C2orf66: variants seen among roughly 807,000 people sequenced by gnomAD.
C2orf66 encodes chromosome 2 open reading frame 66.
In C2orf66, 6 loss-of-function variants were observed where a neutral mutation model predicts 7.0. That is an observed-to-expected ratio of 0.86 (90% CI 0.47 to 1.69). C2orf66 has a LOEUF of 1.69. Ranked by LOEUF, C2orf66 falls within the 40% of genes most tolerant of loss-of-function variation. C2orf66 has a pLI of 0.01. For missense variants in C2orf66, 107 were observed against 112.0 expected (o/e 0.96, Z 0.20); for synonymous variants, 38 against 43.8 (o/e 0.87, Z 0.52).
the C2orf66 span, among the ~76,000 whole-genome samples, chr2:196,830,868 C>T: frequency 6.6e-6 from 1 of 152,004 alleles, no homozygotes; most frequent in Non-Finnish European, 1.5e-5. Flanking sequence ...ATAGGGGGTC[C>T]CAGGGCTTTT....
At chr2:196,830,441 G>A in the C2orf66 span, among the ~76,000 whole-genome samples, 3 of 152,160 alleles carry the variant, frequency 2.0e-5, no homozygotes, top group Non-Finnish European at 4.4e-5. Flanking sequence ...ATCATTCCCC[G>A]CTTCTCCTGT....
chr2:196,822,482 A>G, the C2orf66 span, among the ~76,000 whole-genome samples: 1 of 152,228 alleles, frequency 6.6e-6, no homozygotes, highest in Admixed American at 6.5e-5. Context: ...TGTTCTTTAA[A>G]GACCAAGATT....
the C2orf66 span, among the ~76,000 whole-genome samples, chr2:196,822,229 T>C: frequency 4.6e-5 from 7 of 152,092 alleles, no homozygotes; most frequent in Admixed American, 1.3e-4. Context: ...AGTGAGCTTT[T>C]ATCCTAAGGG....
the C2orf66 span, among the ~76,000 whole-genome samples, chr2:196,820,269 T>C: frequency 6.6e-6 from 1 of 152,118 alleles, no homozygotes; most frequent in African/African-American, 2.4e-5. Context: ...GTTTTTCCCC[T>C]CCAGGGATAT....
intron 1 of C2orf66, among the ~76,000 whole-genome samples, chr2:196,808,694 T>A (rs564941462): frequency 2.6e-5 from 4 of 152,342 alleles, no homozygotes; most frequent in Admixed American, 2.0e-4. Context: ...GCATTTTTTT[T>A]AAAGAGAATG....
At chr2:196,830,998 G>A in the C2orf66 span, among the ~76,000 whole-genome samples, 2 of 152,268 alleles carry the variant, frequency 1.3e-5, no homozygotes, top group Non-Finnish European at 1.5e-5. Flanking sequence ...ATCCTCATCT[G>A]AGCCAAACTT....
At chr2:196,806,028 C>A (rs1244991065) in intron 2 of C2orf66, among the ~76,000 whole-genome samples, 1 of 152,090 alleles carries the variant, frequency 6.6e-6, no homozygotes, top group Non-Finnish European at 1.5e-5. Context: ...AATGAAAACC[C>A]TTTCACAAAC....
chr2:196,818,574 T>C, the C2orf66 span, among the ~76,000 whole-genome samples: 1 of 152,126 alleles, frequency 6.6e-6, no homozygotes, highest in Non-Finnish European at 1.5e-5. Context: ...ACAGCTAAGA[T>C]GGAGGAGTAG....
chr2:196,830,881 C>T, the C2orf66 span, among the ~76,000 whole-genome samples: 1 of 152,096 alleles, frequency 6.6e-6, no homozygotes, highest in Non-Finnish European at 1.5e-5. Flanking sequence ...GGGCTTTTCA[C>T]TAGGCTTTCT....
chr2:196,830,904 A>G, the C2orf66 span, among the ~76,000 whole-genome samples: 4 of 152,090 alleles, frequency 2.6e-5, no homozygotes, highest in South Asian at 8.3e-4. Flanking sequence ...TTTGAGGGGG[A>G]ACAAGGGGGC....
At chr2:196,807,221 A>G (rs1699828452) in intron 2 of C2orf66, among the ~76,000 whole-genome samples, 2 of 152,238 alleles carry the variant, frequency 1.3e-5, no homozygotes, top group South Asian at 4.1e-4. Context: ...CTTAAAAAAT[A>G]AAAACTGTCA....
upstream of C2orf66, among the ~76,000 whole-genome samples, chr2:196,812,168 G>A (rs976356568): frequency 3.9e-5 from 6 of 152,130 alleles, no homozygotes; most frequent in African/African-American, 1.4e-4. Context: ...CAACGGTTAG[G>A]TGAGTAAATG....
At chr2:196,806,746 C>T (rs2125757656) in intron 2 of C2orf66, among the ~76,000 whole-genome samples, 1 of 151,782 alleles carries the variant, frequency 6.6e-6, no homozygotes, top group East Asian at 1.9e-4. Context: ...ATCCCAGCTA[C>T]TCAGGAGGCT....
chr2:196,829,692 T>C, the C2orf66 span, among the ~76,000 whole-genome samples: 4 of 151,526 alleles, frequency 2.6e-5, no homozygotes, highest in African/African-American at 7.3e-5. Context: ...GGTCTGGAGA[T>C]AAAGACCATC....
At chr2:196,828,230 T>TCTCACACACACACACA in the C2orf66 span, among the ~76,000 whole-genome samples, 6 of 125,062 alleles carry the variant, frequency 4.8e-5, no homozygotes, top group African/African-American at 1.8e-4. Context: ...TCTCTCTCTC[T>TCTCACACACACACACA]CACACACACA....
the C2orf66 span, among the ~76,000 whole-genome samples, chr2:196,817,629 T>TC: frequency 2.6e-5 from 4 of 152,100 alleles, no homozygotes; most frequent in Non-Finnish European, 5.9e-5. Context: ...GTGGGGTTTT[T>TC]CCCCACACTA....
chr2:196,829,686 T>A, the C2orf66 span, among the ~76,000 whole-genome samples: 568 of 151,550 alleles, frequency 3.7e-3, 4 homozygotes, highest in African/African-American at 0.011. Context: ...TCACGAGGTC[T>A]GGAGATAAAG....
At chr2:196,829,136 ACCC>A in the C2orf66 span, among the ~76,000 whole-genome samples, 2 of 151,686 alleles carry the variant, frequency 1.3e-5, no homozygotes, top group Non-Finnish European at 2.9e-5. Context: ...CTTCATCTTC[ACCC>A]CCTTTTCCAG....
chr2:196,814,861 G>A, the C2orf66 span, among the ~76,000 whole-genome samples: 1 of 152,146 alleles, frequency 6.6e-6, no homozygotes, highest in Admixed American at 6.5e-5. Context: ...GGAACCGATG[G>A]ACCAAAGGTA....
Sources: allele counts gnomAD v4.1 joint callset (sites outside exome capture counted in the v4.1 genomes callset), GRCh38; gene constraint gnomAD v4.1.1; transcripts MANE v1.5; gene names NCBI Gene and HGNC (gene_info 2026-07-23, HGNC 2026-07-21).